The following ASXL3 variants were observed in gnomAD, a reference collection of about 807,000 sequenced individuals.
ASXL3 encodes putative Polycomb group protein ASXL3.
A neutral mutation model predicts 170.6 loss-of-function variants in ASXL3; 34 were observed. The ratio of observed to expected loss-of-function variants is 0.20; its 90% CI spans 0.15 to 0.27. The LOEUF (loss-of-function observed/expected upper bound fraction) is 0.27, where lower values mean the gene tolerates loss of function less well. Among genes scored for constraint, ASXL3 ranks in the 10% least tolerant of loss-of-function variants. ASXL3 has a pLI of 1.00. For synonymous variants in ASXL3, 1,002 were observed against 989.1 expected, an observed-to-expected ratio of 1.01 and a Z score of -0.24; for missense variants, 2,592 against 2,695.3, an observed-to-expected ratio of 0.96 and a Z score of 0.85.
chr18:33,729,518 G>A (rs2067408320), intron 8 of ASXL3, among the ~76,000 whole-genome samples: 1 of 152,136 alleles, frequency 6.6e-6, no homozygotes, highest in Admixed American at 6.5e-5. Flanking sequence ...GAAATGTTTG[G>A]TGTAGACTTC....
intron 1 of ASXL3, among the ~76,000 whole-genome samples, chr18:33,598,610 A>G (rs1176754676): frequency 6.6e-6 from 1 of 152,202 alleles, no homozygotes; most frequent in Non-Finnish European, 1.5e-5. Context: ...ATCATCGGGC[A>G]TGATTTCTCA....
At chr18:33,671,106 G>A (rs1323669937) in intron 6 of ASXL3, among the ~76,000 whole-genome samples, 4 of 151,984 alleles carry the variant, frequency 2.6e-5, no homozygotes, top group African/African-American at 7.3e-5. Flanking sequence ...GAACTTTAAG[G>A]GTGGACCACA....
chr18:33,718,560 A>G (rs2067205064), intron 8 of ASXL3, among the ~76,000 whole-genome samples: 1 of 152,102 alleles, frequency 6.6e-6, no homozygotes, highest in Non-Finnish European at 1.5e-5. Context: ...GCGCACTGAC[A>G]TCTCTATTCT....
intron 1 of ASXL3, among the ~76,000 whole-genome samples, chr18:33,586,327 AC>A (rs1232344234): frequency 6.6e-6 from 1 of 151,702 alleles, no homozygotes; most frequent in African/African-American, 2.4e-5. Flanking sequence ...GTGACCCTCC[AC>A]CCCCACCACC....
At chr18:33,665,308 G>A (rs1240617091) in intron 5 of ASXL3, among the ~76,000 whole-genome samples, 1 of 152,116 alleles carries the variant, frequency 6.6e-6, no homozygotes, top group Non-Finnish European at 1.5e-5. Context: ...ATATTGCAAA[G>A]CAGATCTATT....
chr18:33,589,574 TC>T (rs1307891641), intron 1 of ASXL3, among the ~76,000 whole-genome samples: 1 of 152,182 alleles, frequency 6.6e-6, no homozygotes, highest in Non-Finnish European at 1.5e-5. Context: ...GCTCTGACTT[TC>T]ATATCAAGAT....
Position 33,745,717 on chromosome 18 carries a change from G to A in ASXL3, c.5869G>A (p.Gly1957Arg). Residue 1957 changes from glycine (G) to arginine (R), a missense_variant, in exon 12 of 12, where the codon GGG becomes AGG. Transcript: ENST00000269197. ...ACAGGCCTCTTCCAAGACCCCAGTG[G>A]GGTGTAATGCATTTGCCTTCAACAG... is the stretch of plus-strand genomic sequence containing the variant. Reference protein sequence around the residue: ...LLQASSKTPVGCNAFAFNRHL... With the variant: ...LLQASSKTPVRCNAFAFNRHL... 6.2e-7 allele frequency: 1 copy of A among 1,613,982 alleles called. No individual in the cohort carries two copies. The highest frequency in any genetic ancestry group is 8.5e-7 in the Non-Finnish European group (1 of 1,179,878).
At chr18:33,617,179 ATAAAAT>A (rs1260621441) in intron 2 of ASXL3, among the ~76,000 whole-genome samples, 1 of 152,182 alleles carries the variant, frequency 6.6e-6, no homozygotes, top group Non-Finnish European at 1.5e-5. Context: ...ATATAAACCA[ATAAAAT>A]TAAGAAGTTT....
At chr18:33,621,355 T>A (rs1040720087) in intron 2 of ASXL3, among the ~76,000 whole-genome samples, 3 of 152,200 alleles carry the variant, frequency 2.0e-5, no homozygotes, top group African/African-American at 7.2e-5. Flanking sequence ...ATCAATGTTC[T>A]GTTCTTACGT....
intron 2 of ASXL3, among the ~76,000 whole-genome samples, chr18:33,635,439 C>T (rs2065749905): frequency 6.6e-6 from 1 of 152,112 alleles, no homozygotes; most frequent in Admixed American, 6.5e-5. Context: ...TAGCTTTATC[C>T]CCTGCAGGCC....
chr18:33,581,823 T>C (rs1007076980), intron 1 of ASXL3, among the ~76,000 whole-genome samples: 2 of 152,190 alleles, frequency 1.3e-5, no homozygotes, highest in African/African-American at 2.4e-5. Context: ...GTGTTAGGCT[T>C]GCTTAGTGTA....
intron 1 of ASXL3, among the ~76,000 whole-genome samples, chr18:33,593,356 CCAGTCTATGTTTCCCATCCATTGAGGGCT>C (rs2065096658): frequency 7.0e-6 from 1 of 143,520 alleles, no homozygotes; most frequent in African/African-American, 2.6e-5. Flanking sequence ...CTCAGAGATT[CCAGTCTATGTTTCCCATCCATTGAGGGCT>C]CAGTTACCCT....
chr18:33,615,526 A>AT (rs1290099361), intron 2 of ASXL3, among the ~76,000 whole-genome samples: 1 of 152,192 alleles, frequency 6.6e-6, no homozygotes, highest in East Asian at 1.9e-4. Context: ...AAATGAGCAC[A>AT]TGCTGTTGGA....
chr18:33,625,552 T>C (rs530617188), intron 2 of ASXL3, among the ~76,000 whole-genome samples: 1 of 152,296 alleles, frequency 6.6e-6, no homozygotes, highest in Admixed American at 6.5e-5. Context: ...GAGAGACATG[T>C]TATTCTTTAT....
In ASXL3 at chr18:33,745,522, C is replaced by T. The variant is rs2067765212; in HGVS notation, c.5674C>T (p.Pro1892Ser). 1 of 1,613,958 alleles carries T rather than the reference C, an allele frequency of 6.2e-7. No individual in the cohort carries two copies. Among genetic ancestry groups the T allele is most frequent in the Non-Finnish European group, 8.5e-7 (1 of 1,179,906 alleles). ...HSMQNRIVHS[P>S]EVKQQKRLLP... Reference sequence around the variant, plus strand: ...CATGCAGAACAGAATTGTTCACAGCCCTGAGGTCAAACAGCAAAAGCGGCT... The same window carrying T: ...CATGCAGAACAGAATTGTTCACAGCTCTGAGGTCAAACAGCAAAAGCGGCT... The change falls in exon 12 of 12, where the codon CCT (proline) becomes TCT (serine). Residue 1892 changes from proline (P) to serine (S), a missense_variant. Pro to Ser is a moderately conservative substitution (Grantham distance 74, BLOSUM62 -1). Transcript: ENST00000269197.
At chr18:33,583,313 A>G (rs1251100709) in intron 1 of ASXL3, among the ~76,000 whole-genome samples, 1 of 152,232 alleles carries the variant, frequency 6.6e-6, no homozygotes, top group Non-Finnish European at 1.5e-5. Flanking sequence ...ACACAAGAGC[A>G]TAACTGACAA....
intron 8 of ASXL3, among the ~76,000 whole-genome samples, chr18:33,728,790 TCA>T (rs2067391830): frequency 2.0e-5 from 3 of 152,312 alleles, no homozygotes; most frequent in Admixed American, 2.0e-4. Flanking sequence ...TAGCAATGTC[TCA>T]GTTTCATTTT....
intron 9 of ASXL3, 49 bp downstream of exon 9, chr18:33,732,113 C>A: frequency 1.4e-6 from 2 of 1,412,090 alleles, no homozygotes; most frequent in Non-Finnish European, 2.0e-6. Flanking sequence ...GTACACATAC[C>A]GTACTGAGCT....
intron 11 of ASXL3, among the ~76,000 whole-genome samples, chr18:33,741,159 T>C (rs1292378671): frequency 6.6e-6 from 1 of 152,202 alleles, no homozygotes; most frequent in African/African-American, 2.4e-5. Context: ...AAACTTACTA[T>C]GCATTTTAAT....
Sources: allele counts gnomAD v4.1 joint callset (sites outside exome capture counted in the v4.1 genomes callset), GRCh38; gene constraint gnomAD v4.1.1; transcripts MANE v1.5; gene names NCBI Gene and HGNC (gene_info 2026-07-23, HGNC 2026-07-21).